Variants in FTO observed in about 807,000 individuals in gnomAD.
FTO encodes the protein alpha-ketoglutarate-dependent dioxygenase FTO.
Under a neutral mutation model 63.9 loss-of-function variants are expected in FTO, and 47 were observed. The observed-to-expected ratio is 0.74, with a 90% CI of 0.58 to 0.94. FTO has a LOEUF of 0.94. Ranked by LOEUF, FTO falls within the 40% of genes least tolerant of loss-of-function variation. FTO has a pLI of 0.00. For synonymous variants in FTO, 207 were observed against 224.4 expected, an observed-to-expected ratio of 0.92 and a Z score of 0.69; for missense variants, 562 against 618.1, an observed-to-expected ratio of 0.91 and a Z score of 0.96.
chr16:53,810,413 A>C (rs956711560), intron 2 of FTO, among the ~76,000 whole-genome samples, 196 bp downstream of exon 2: 6 of 152,226 alleles, frequency 3.9e-5, no homozygotes, highest in Admixed American at 6.5e-5. Context: ...ATGCTTTAGC[A>C]TAGTGACTGT....
At chr16:53,738,932 C>T (rs998513032) in intron 1 of FTO, among the ~76,000 whole-genome samples, 14 of 151,994 alleles carry the variant, frequency 9.2e-5, no homozygotes, top group East Asian at 7.8e-4. Context: ...CCTCAACCTC[C>T]GGGGCTCAAG....
At chr16:53,906,154 A>C (rs1325654315) in intron 7 of FTO, among the ~76,000 whole-genome samples, 2 of 152,206 alleles carry the variant, frequency 1.3e-5, no homozygotes, top group Non-Finnish European at 2.9e-5. Context: ...TCTTGGCTGC[A>C]TATTTGAAAC....
chr16:53,871,242 G>C (rs2080483375), intron 4 of FTO, among the ~76,000 whole-genome samples: 1 of 152,060 alleles, frequency 6.6e-6, no homozygotes, highest in Admixed American at 6.5e-5. Context: ...ATAAAAATGT[G>C]TGTGTTTTTG....
Position 54,034,565 on chromosome 16 carries a change from C to T in FTO, c.1365-77197C>T, listed in dbSNP as rs77276202. Among the ~76,000 whole-genome samples, 746 of 152,198 alleles carry T rather than the reference C, an allele frequency of 4.9e-3. 2 individuals are homozygous for T. Among genetic ancestry groups the T allele is most frequent in the Non-Finnish European group, 8.0e-3 (542 of 68,010 alleles). The stretch of plus-strand genomic sequence containing the variant: ...TAGTGTGTCCTGGAACCTGTTTAGT[C>T]ACACGTGGGGAATGAACTGAGCTTT... On this transcript the variant is annotated intron_variant, in intron 8 of 8. Coordinates refer to ENST00000471389, the MANE Select transcript of FTO (RefSeq NM_001080432.3).
chr16:53,970,124 G>A (rs1272209284), intron 8 of FTO, among the ~76,000 whole-genome samples: 6 of 152,162 alleles, frequency 3.9e-5, no homozygotes, highest in Admixed American at 6.5e-5. Flanking sequence ...AGATTGGACC[G>A]TAATTTTCTG....
At chr16:54,010,753 A>G (rs114171833) in intron 8 of FTO, among the ~76,000 whole-genome samples, 1,959 of 152,240 alleles carry the variant, frequency 0.013, 32 homozygotes, top group African/African-American at 0.045. Flanking sequence ...TCAACAGTGA[A>G]TTTGTGCCCC....
At chr16:53,765,388 C>T (rs1178355868) in intron 1 of FTO, among the ~76,000 whole-genome samples, 2 of 150,972 alleles carry the variant, frequency 1.3e-5, no homozygotes, top group African/African-American at 4.9e-5. Flanking sequence ...GAAACCCGGT[C>T]TACTAAAAAT....
Position 53,922,686 on chromosome 16 carries a change from C to G in FTO, c.1240-11299C>G, listed in dbSNP as rs116298429. The stretch of plus-strand genomic sequence containing the variant: ...GCAAAGATCTTAGTAGTGGGTGAAG[C>G]TAATAGACTGCAAGTTGGGATGAAT... On this transcript the variant is annotated intron_variant, in intron 7 of 8. Coordinates refer to ENST00000471389, the MANE Select transcript of FTO (RefSeq NM_001080432.3). 1.8e-3 allele frequency among the ~76,000 whole-genome samples: 267 copies of G among 152,316 alleles called. 2 individuals are homozygous for G. The highest frequency in any genetic ancestry group is 6.2e-3 in the African/African-American group (257 of 41,578).
intron 8 of FTO, among the ~76,000 whole-genome samples, chr16:54,074,930 G>GTA (rs1280739480): frequency 8.2e-5 from 12 of 147,028 alleles, no homozygotes; most frequent in African/African-American, 2.9e-4. Flanking sequence ...GTGTGTGTGT[G>GTA]TGTGTGTGTG....
chr16:53,813,342 G>T (rs575178600), intron 2 of FTO, among the ~76,000 whole-genome samples: 21 of 151,934 alleles, frequency 1.4e-4, no homozygotes, highest in Non-Finnish European at 2.9e-4. Context: ...CTCCTGAGTA[G>T]CTGGGATTAC....
intron 8 of FTO, chr16:53,998,269 C>G (rs1321893422): frequency 6.6e-6 from 1 of 152,242 alleles, no homozygotes; most frequent in Non-Finnish European, 1.5e-5. Context: ...CAGTTGAAGA[C>G]ACAGCAACAG....
At chr16:53,711,655 T>C (rs1020400875) in intron 1 of FTO, among the ~76,000 whole-genome samples, 2 of 152,220 alleles carry the variant, frequency 1.3e-5, no homozygotes, top group African/African-American at 4.8e-5. Context: ...AATAAAAAGC[T>C]ATGGATGTTG....
chr16:53,996,016 T>C (rs2083925799), intron 8 of FTO, among the ~76,000 whole-genome samples: 1 of 152,206 alleles, frequency 6.6e-6, no homozygotes, highest in African/African-American at 2.4e-5. Flanking sequence ...TTCAGAGGCT[T>C]CCTGCCTTTG....
intron 8 of FTO, among the ~76,000 whole-genome samples, chr16:53,990,597 A>G (rs1343701560): frequency 3.3e-5 from 5 of 151,684 alleles, no homozygotes; most frequent in African/African-American, 9.7e-5. Flanking sequence ...TTTACTGAGC[A>G]TGTATGGTGT....
chr16:53,793,394 A>G (rs1241665470), intron 1 of FTO, among the ~76,000 whole-genome samples: 1 of 152,226 alleles, frequency 6.6e-6, no homozygotes, highest in Non-Finnish European at 1.5e-5. Context: ...TTGTGAGACA[A>G]ATAGAATTTG....
chr16:53,876,295 A>G (rs2080650063), intron 5 of FTO, among the ~76,000 whole-genome samples: 1 of 152,166 alleles, frequency 6.6e-6, no homozygotes, highest in Non-Finnish European at 1.5e-5. Flanking sequence ...GTAGCCTACT[A>G]TATATATGGT....
rs1178712762 is a variant in FTO at position 53,839,769 on chromosome 16, CTTTTTTTTTATT to C, written c.752-4384_752-4373del. ...TTTTCAAGTCATTATAATTGGTTTT[CTTTTTTTTTATT>C]TATTTATTTATTTATTTATTTATTT... On this transcript the variant is annotated intron_variant, in intron 3 of 8. Transcript: ENST00000471389. 3.5e-5 allele frequency among the ~76,000 whole-genome samples: 5 copies of C among 144,152 alleles called. 1 individual carries two copies. Among genetic ancestry groups the C allele is most frequent in the African/African-American group, 8.0e-5 (3 of 37,730 alleles). 94.6% of individuals were successfully genotyped at this position (144,152 alleles called of 152,430 possible).
chr16:53,765,781 AGAGGTGGTCAG>A (rs2077185907), intron 1 of FTO, among the ~76,000 whole-genome samples: 1 of 152,122 alleles, frequency 6.6e-6, no homozygotes, highest in Admixed American at 6.5e-5. Flanking sequence ...TAGAAGGAAC[AGAGGTGGTCAG>A]TGGCCAGAAC....
At chr16:54,055,011 C>G (rs1204757776) in intron 8 of FTO, among the ~76,000 whole-genome samples, 1 of 152,152 alleles carries the variant, frequency 6.6e-6, no homozygotes, top group Non-Finnish European at 1.5e-5. Flanking sequence ...ACCCAAAAGG[C>G]AGCATGAAAA....
Sources: allele counts gnomAD v4.1 joint callset (sites outside exome capture counted in the v4.1 genomes callset), GRCh38; gene constraint gnomAD v4.1.1; transcripts MANE v1.5; gene names NCBI Gene and HGNC (gene_info 2026-07-23, HGNC 2026-07-21).